The following FAM177B variants were observed in gnomAD, a reference collection of about 807,000 sequenced individuals.
FAM177B encodes the protein family with sequence similarity 177 member B.
In FAM177B, 16 loss-of-function variants were observed where a neutral mutation model predicts 16.1. That is an observed-to-expected ratio of 0.99 (90% CI 0.67 to 1.51). The LOEUF is 1.51. Among genes scored for constraint, FAM177B ranks in the 40% most tolerant of loss-of-function variants. FAM177B has a pLI of 0.00. For synonymous variants in FAM177B, 56 were observed against 59.9 expected, an observed-to-expected ratio of 0.93 and a Z score of 0.30; for missense variants, 178 against 183.7, an observed-to-expected ratio of 0.97 and a Z score of 0.18.
At chr1:222,738,932 C>T (rs1418762431) in intron 2 of FAM177B, among the ~76,000 whole-genome samples, 4 of 152,282 alleles carry the variant, frequency 2.6e-5, no homozygotes, top group African/African-American at 7.2e-5. Flanking sequence ...TGCTCATTCA[C>T]GGTCTCTCTC....
At position 222,750,296 on chromosome 1, in the gene FAM177B, C is replaced by A. The variant is rs982414534; in HGVS notation, c.*238C>A. The A allele has an allele frequency of 1.6e-5, 21 of 1,312,710 alleles. No individual in the cohort carries two copies. Among genetic ancestry groups the A allele is most frequent in the Non-Finnish European group, 5.8e-6 (6 of 1,031,540 alleles). 81.3% of individuals were successfully genotyped at this position (1,312,710 alleles called of 1,614,324 possible). A position where few individuals can be genotyped will look rare whatever the true frequency, so the allele number is the denominator to read the frequency against. On this transcript the variant is annotated 3_prime_UTR_variant, in exon 6 of 6. Transcript: ENST00000445590. ...TCTCAGAATAATTTCTATATTCAAGCCACCCCACCTCAACTCCACCCCTGT... is the reference window on the plus strand; with the variant it reads ...TCTCAGAATAATTTCTATATTCAAGACACCCCACCTCAACTCCACCCCTGT...
intron 2 of FAM177B, among the ~76,000 whole-genome samples, chr1:222,745,622 C>T (rs1251069025): frequency 6.7e-6 from 1 of 148,748 alleles, no homozygotes; most frequent in Non-Finnish European, 1.5e-5. Context: ...GTCTCTGCAG[C>T]CCCCCAAAAA....
At position 222,749,711 on chromosome 1, in the gene FAM177B, A is replaced by G. The variant is rs1658969300; in HGVS notation, c.339+149A>G. 5.4e-6 allele frequency: 4 copies of G among 744,634 alleles called. No individual in the cohort carries two copies. The Admixed American group carries it at 9.7e-5, about 18-fold the overall frequency. The allele number at this position is 744,634 out of a possible 1,614,324, so 46.1% of individuals were successfully genotyped here. On this transcript the variant is annotated intron_variant, in intron 5 of 5. Transcript: ENST00000445590. ...CATAGTCAGACTGACTTATTTTTCT[A>G]GTTCTGTTCACCCAGGGACACTTCT...
At chr1:222,744,992 A>G (rs955276340) in intron 2 of FAM177B, among the ~76,000 whole-genome samples, 1 of 152,198 alleles carries the variant, frequency 6.6e-6, no homozygotes, top group Non-Finnish European at 1.5e-5. Flanking sequence ...GTTTTCTACT[A>G]TAATTTTGCC....
Position 222,750,278 on chromosome 1 carries a change from A to G in FAM177B, c.*220A>G. 7.4e-7 allele frequency: 1 copy of G among 1,349,988 alleles called. No individual in the cohort carries two copies. The highest frequency in any genetic ancestry group is 1.5e-5 in the African/African-American group (1 of 68,096). The allele number at this position is 1,349,988 out of a possible 1,614,324, so 83.6% of individuals were successfully genotyped here. On this transcript the variant is annotated 3_prime_UTR_variant, in exon 6 of 6. Coordinates refer to ENST00000445590, the MANE Select transcript of FAM177B (RefSeq NM_001394345.1). ...GAGTAATTTTGGACACTTTCTCAGA[A>G]TAATTTCTATATTCAAGCCACCCCA...
Position 222,750,097 on chromosome 1 carries a change from C to T in FAM177B, c.*39C>T, listed in dbSNP as rs551838764. On this transcript the variant is annotated 3_prime_UTR_variant, in exon 6 of 6. Transcript: ENST00000445590. ...GGGAGGGTCTGGTGGCAGATCCTAG[C>T]TCATGATGGCAGCAAAGACTGCAGT... 1.9e-6 allele frequency: 3 copies of T among 1,595,210 alleles called. No homozygotes were observed. The African/African-American group carries it at 4.1e-5, about 22-fold the overall frequency.
At position 222,745,523 on chromosome 1, in the gene FAM177B, G is replaced by A. The variant is rs149724936; in HGVS notation, c.-15-1008G>A. On this transcript the variant is annotated intron_variant, in intron 2 of 5. Transcript: ENST00000445590. ...TGCCAGCTACTCAGGTGGTTGAGGC[G>A]GGAAGATTGCTTAAGCCTGGGAGGT... Among the ~76,000 whole-genome samples, 302 of 152,240 alleles carry A rather than the reference G, an allele frequency of 2.0e-3. 3 individuals are homozygous for A. Among genetic ancestry groups the A allele is most frequent in the African/African-American group, 6.6e-3 (276 of 41,550 alleles).
In FAM177B at chr1:222,750,596, C is replaced by T. The variant is rs1221495805; in HGVS notation, c.*538C>T. The T allele has an allele frequency of 1.1e-6, 1 of 921,882 alleles. No individual in the cohort carries two copies. The highest frequency in any genetic ancestry group is 1.3e-6 in the Non-Finnish European group (1 of 772,396). 57.1% of individuals were successfully genotyped at this position (921,882 alleles called of 1,614,324 possible). On this transcript the variant is annotated 3_prime_UTR_variant, in exon 6 of 6. Coordinates refer to ENST00000445590, the MANE Select transcript of FAM177B (RefSeq NM_001394345.1). ...AATAACTGTGTTACAAGATCATTAT[C>T]AAGATCTTTAAGAATTAGGTACATC... is the stretch of plus-strand genomic sequence containing the variant.
At chr1:222,749,585 C>A in intron 5 of FAM177B, 23 bp downstream of exon 5, 1 of 1,381,604 alleles carries the variant, frequency 7.2e-7, no homozygotes, top group Non-Finnish European at 1.0e-6. Flanking sequence ...CTGATGGAAA[C>A]AAGGGGCCTG....
rs572316323 is a variant in FAM177B at position 222,738,966 on chromosome 1, A to C, written c.-16+945A>C. ...TCTCCACTCCCCTCCAACCTCCCAA[A>C]GAGCCCTCTGAACTTAAAGATGTAT... On this transcript the variant is annotated intron_variant, in intron 2 of 5. Transcript: ENST00000445590. Among the ~76,000 whole-genome samples, 33 of 152,324 alleles carry C rather than the reference A, an allele frequency of 2.2e-4. 1 individual carries two copies. In the South Asian group the frequency reaches 6.6e-3, roughly 31 times the overall value.
At position 222,746,578 on chromosome 1, in the gene FAM177B, A is replaced by G. The variant is rs747074182; in HGVS notation, c.33A>G (p.Leu11=). The change falls in exon 3 of 6, where the codon CTA becomes CTG. Residue 11 remains leucine, a synonymous_variant. Coordinates refer to ENST00000445590, the MANE Select transcript of FAM177B (RefSeq NM_001394345.1). MEIDGFQQLD[L]EKSVPSKKTT... is the part of the protein sequence containing the mutation. ...TTGACGGTTTCCAGCAGTTAGACCT[A>G]GAGAAGAGTGTACCTTCCAAAAAGA... is the stretch of plus-strand genomic sequence containing the variant. 1.2e-6 allele frequency: 2 copies of G among 1,610,174 alleles called. No individual in the cohort carries two copies. The highest frequency in any genetic ancestry group is 2.2e-5 in the South Asian group (2 of 90,718).
At chr1:222,748,228 A>C (rs910021810) in intron 4 of FAM177B, among the ~76,000 whole-genome samples, 2 of 152,234 alleles carry the variant, frequency 1.3e-5, no homozygotes, top group Non-Finnish European at 1.5e-5. Context: ...AACAGAAAAA[A>C]AAATGCTGTC....
chr1:222,749,355 A>G, intron 4 of FAM177B, 110 bp from the exon 5 acceptor site: 1 of 629,054 alleles, frequency 1.6e-6, no homozygotes, highest in Non-Finnish European at 2.8e-6. Context: ...AAGTATAGTA[A>G]TAGACCACTA....
At chr1:222,740,030 ACTGAGG>A (rs1242128818) in intron 2 of FAM177B, among the ~76,000 whole-genome samples, 2 of 152,096 alleles carry the variant, frequency 1.3e-5, no homozygotes, top group African/African-American at 2.4e-5. Flanking sequence ...CCTACTTCTT[ACTGAGG>A]CTTTTCTGTG....
At chr1:222,749,853 T>C (rs202061067) in intron 5 of FAM177B, 68 bp from the exon 6 acceptor site, 4 of 1,518,962 alleles carry the variant, frequency 2.6e-6, no homozygotes, top group Admixed American at 1.7e-5. Context: ...GGGCATTATA[T>C]ACAAGAGGGG....
At chr1:222,737,479 A>AT (rs1658330162) in intron 1 of FAM177B, among the ~76,000 whole-genome samples, 157 bp downstream of exon 1, 1 of 152,230 alleles carries the variant, frequency 6.6e-6, no homozygotes, top group African/African-American at 2.4e-5. Context: ...AGAAAGACTA[A>AT]TAGAGCAGCC....
intron 2 of FAM177B, chr1:222,742,678 G>A (rs1159245130): frequency 1.3e-5 from 2 of 152,080 alleles, no homozygotes; most frequent in Non-Finnish European, 2.9e-5. Context: ...CCAATTGTGT[G>A]AAGTTTTTGA....
At chr1:222,744,750 CA>C (rs1658715577) in intron 2 of FAM177B, among the ~76,000 whole-genome samples, 1 of 151,936 alleles carries the variant, frequency 6.6e-6, no homozygotes, top group South Asian at 2.1e-4. Flanking sequence ...ATTTTAAATC[CA>C]GGAAGTCTAT....
At chr1:222,740,754 C>T (rs1658484485) in intron 2 of FAM177B, among the ~76,000 whole-genome samples, 8 of 152,190 alleles carry the variant, frequency 5.3e-5, no homozygotes, top group Admixed American at 5.2e-4. Context: ...GGCTGGAGTG[C>T]AGTGGCACGA....
Sources: gnomAD v4.1 joint callset for allele counts (sites outside exome capture counted in the v4.1 genomes callset) on GRCh38, gnomAD v4.1.1 for gene constraint, MANE v1.5 for transcripts, NCBI Gene and HGNC (gene_info 2026-07-23, HGNC 2026-07-21) for gene names.